CAMKMT: variants seen among roughly 807,000 people sequenced by gnomAD.
CAMKMT encodes calmodulin-lysine N-methyltransferase.
In CAMKMT, 53 loss-of-function variants were observed where a neutral mutation model predicts 48.0. That is an observed-to-expected ratio of 1.10 (90% CI 0.89 to 1.39). CAMKMT has a LOEUF of 1.39. Among genes scored for constraint, CAMKMT ranks in the 40% most tolerant of loss-of-function variants. The pLI is 0.00. For missense variants in CAMKMT, 428 were observed against 402.7 expected (o/e 1.06, Z -0.54); for synonymous variants, 165 against 152.3 (o/e 1.08, Z -0.61).
chr2:44,631,269 G>T (rs1672804801), intron 3 of CAMKMT, among the ~76,000 whole-genome samples: 1 of 152,068 alleles, frequency 6.6e-6, no homozygotes, highest in Non-Finnish European at 1.5e-5. Context: ...AAGGGGGAGG[G>T]ATAGCATTGA....
intron 10 of CAMKMT, among the ~76,000 whole-genome samples, chr2:44,768,355 ATATATATTTTTTT>A (rs1324144708): frequency 1.1e-5 from 1 of 94,920 alleles, no homozygotes; most frequent in Admixed American, 1.1e-4. Flanking sequence ...ATATATATAT[ATATATATTTTTTT>A]TTTTTTTTTA....
chr2:44,494,967 TCACA>T (rs1669688196), intron 3 of CAMKMT, among the ~76,000 whole-genome samples: 2 of 152,130 alleles, frequency 1.3e-5, no homozygotes, highest in Admixed American at 6.5e-5. Context: ...TTCATCCATC[TCACA>T]CAGTAGTTGC....
intron 3 of CAMKMT, among the ~76,000 whole-genome samples, chr2:44,467,929 C>T (rs1324830346): frequency 6.6e-6 from 1 of 152,130 alleles, no homozygotes; most frequent in East Asian, 1.9e-4. Context: ...AGAAATGCTT[C>T]AGGGCATTGG....
intron 3 of CAMKMT, chr2:44,395,029 T>C: frequency 2.2e-6 from 1 of 445,662 alleles, no homozygotes; most frequent in Non-Finnish European, 4.5e-6. Flanking sequence ...CTTCCTGGTT[T>C]TTCTAGAGGA....
At chr2:44,631,028 A>G (rs1344151918) in intron 3 of CAMKMT, among the ~76,000 whole-genome samples, 5 of 152,240 alleles carry the variant, frequency 3.3e-5, no homozygotes, top group Admixed American at 3.3e-4. Flanking sequence ...CTGGATTAAG[A>G]AAATGTGGCA....
chr2:44,617,041 C>A (rs140883429), intron 3 of CAMKMT, among the ~76,000 whole-genome samples: 1 of 152,116 alleles, frequency 6.6e-6, no homozygotes, highest in Non-Finnish European at 1.5e-5. Context: ...ATGTGTCCTA[C>A]GTGATAGTGC....
intron 3 of CAMKMT, among the ~76,000 whole-genome samples, chr2:44,650,709 G>A (rs1487844811): frequency 6.6e-6 from 1 of 152,146 alleles, no homozygotes; most frequent in East Asian, 1.9e-4. Flanking sequence ...CCAAAAAAAT[G>A]TACACATGTG....
chr2:44,457,205 G>A (rs1298262318), intron 3 of CAMKMT: 2 of 152,020 alleles, frequency 1.3e-5, no homozygotes, highest in East Asian at 1.9e-4. Context: ...TATTCTTCCA[G>A]AGTTATTTTC....
intron 3 of CAMKMT, among the ~76,000 whole-genome samples, chr2:44,535,414 C>T (rs529314557): frequency 1.5e-4 from 23 of 152,250 alleles, no homozygotes; most frequent in African/African-American, 5.3e-4. Context: ...GATAACAAAA[C>T]CAGTCAAGAA....
rs148932410 is a variant in CAMKMT at position 44,755,711 on chromosome 2, G to A, written c.762+1593G>A. On this transcript the variant is annotated intron_variant, in intron 9 of 10. Transcript: ENST00000378494. ...TAGACTGGAATCCAGCAGCTCTTCT[G>A]TACCCTCTAATAAACCCTGAACACA... Among the ~76,000 whole-genome samples the A allele has an allele frequency of 7.5e-3, 1,142 of 152,272 alleles. 12 individuals carry two copies. Among genetic ancestry groups the A allele is most frequent in the African/African-American group, 0.026 (1,069 of 41,542 alleles).
chr2:44,507,407 A>G (rs565902003), intron 3 of CAMKMT, among the ~76,000 whole-genome samples: 1 of 152,180 alleles, frequency 6.6e-6, no homozygotes, highest in Non-Finnish European at 1.5e-5. Flanking sequence ...GCATCATGGA[A>G]CACATCACAT....
intron 3 of CAMKMT, among the ~76,000 whole-genome samples, chr2:44,607,219 C>T (rs1158229133): frequency 6.6e-6 from 1 of 152,102 alleles, no homozygotes; most frequent in East Asian, 1.9e-4. Context: ...TCAGAATGCC[C>T]CAGTAATGCT....
At chr2:44,561,282 T>G (rs976898809) in intron 3 of CAMKMT, among the ~76,000 whole-genome samples, 7 of 152,224 alleles carry the variant, frequency 4.6e-5, no homozygotes, top group African/African-American at 1.7e-4. Flanking sequence ...GTATCTAGAC[T>G]TAGAAATAGA....
chr2:44,665,383 T>C (rs1481557466), intron 3 of CAMKMT, among the ~76,000 whole-genome samples: 1 of 152,182 alleles, frequency 6.6e-6, no homozygotes, highest in Non-Finnish European at 1.5e-5. Flanking sequence ...AGAGAGGTTT[T>C]AACGTGCAGC....
intron 3 of CAMKMT, 59 bp from the exon 4 acceptor site, chr2:44,704,224 G>T: frequency 7.2e-7 from 1 of 1,381,416 alleles, no homozygotes; most frequent in Non-Finnish European, 1.0e-6. Context: ...ATTTTTAAAA[G>T]CCGTTTCTTA....
intron 3 of CAMKMT, among the ~76,000 whole-genome samples, chr2:44,700,867 C>G (rs1255186621): frequency 6.6e-6 from 1 of 152,164 alleles, no homozygotes; most frequent in Non-Finnish European, 1.5e-5. Context: ...ATTTGTAAAA[C>G]TGTAGATATG....
Position 44,704,338 on chromosome 2 carries a change from A to T in CAMKMT, c.432A>T (p.Ile144=). 6.2e-7 allele frequency: 1 copy of T among 1,603,506 alleles called. No homozygotes were observed. The highest frequency in any genetic ancestry group is 8.5e-7 in the Non-Finnish European group (1 of 1,174,054). ...LAYYCLKHNN[I]FRALAVCELG... ...ACTACTGCCTCAAGCACAATAATAT[A>T]TTCAGGTACAGAGCTGCACTTAAGA... Residue 144 remains isoleucine (I), a synonymous_variant, in exon 4 of 11, where the codon ATA becomes ATT. Coordinates refer to ENST00000378494, the MANE Select transcript of CAMKMT (RefSeq NM_024766.5).
chr2:44,722,777 G>T (rs1242694541), intron 7 of CAMKMT, among the ~76,000 whole-genome samples: 1 of 152,184 alleles, frequency 6.6e-6, no homozygotes, highest in South Asian at 2.1e-4. Flanking sequence ...CTAATATTTT[G>T]TTGTCACTTT....
chr2:44,668,173 G>C (rs951785278), intron 3 of CAMKMT, among the ~76,000 whole-genome samples: 1 of 152,130 alleles, frequency 6.6e-6, no homozygotes, highest in Non-Finnish European at 1.5e-5. Flanking sequence ...CTGATGACCT[G>C]GCTGATCTTG....
Sources: allele counts gnomAD v4.1 joint callset (sites outside exome capture counted in the v4.1 genomes callset), GRCh38; gene constraint gnomAD v4.1.1; transcripts MANE v1.5; gene names NCBI Gene and HGNC (gene_info 2026-07-23, HGNC 2026-07-21).